BRINP3: variants seen among roughly 807,000 people sequenced by gnomAD.
The protein encoded by BRINP3 is BMP/retinoic acid inducible neural specific 3.
A neutral mutation model predicts 71.0 loss-of-function variants in BRINP3; 19 were observed. The ratio of observed to expected loss-of-function variants is 0.27; its 90% CI spans 0.19 to 0.39. The LOEUF is 0.39. Ranked by LOEUF, BRINP3 falls within the 10% of genes least tolerant of loss-of-function variation. BRINP3 has a pLI of 1.00. For synonymous variants in BRINP3, 380 were observed against 337.7 expected, an observed-to-expected ratio of 1.13 and a Z score of -1.37; for missense variants, 959 against 940.8, an observed-to-expected ratio of 1.02 and a Z score of -0.25.
chr1:190,236,085 T>A (rs939414675), intron 4 of BRINP3, among the ~76,000 whole-genome samples: 1 of 151,896 alleles, frequency 6.6e-6, no homozygotes, highest in African/African-American at 2.4e-5. Context: ...ATTAAGGCCA[T>A]CATGGAGATG....
intron 2 of BRINP3, among the ~76,000 whole-genome samples, chr1:190,289,788 TC>T (rs1465455598): frequency 6.6e-6 from 1 of 152,028 alleles, no homozygotes. Flanking sequence ...GGAACTGCCA[TC>T]TTTTCTGCTC....
intron 4 of BRINP3, among the ~76,000 whole-genome samples, chr1:190,234,999 T>A (rs1374189535): frequency 6.6e-6 from 1 of 152,112 alleles, no homozygotes; most frequent in Non-Finnish European, 1.5e-5. Context: ...AATATGCCAG[T>A]ATCTCCCTGT....
At chr1:190,201,730 G>A (rs538057619) in intron 6 of BRINP3, among the ~76,000 whole-genome samples, 6 of 151,848 alleles carry the variant, frequency 4.0e-5, no homozygotes, top group East Asian at 2.0e-4. Flanking sequence ...AATTCGGAAC[G>A]TGGCTTCAAA....
chr1:190,451,565 CT>C (rs1675609223), intron 2 of BRINP3, among the ~76,000 whole-genome samples: 1 of 151,984 alleles, frequency 6.6e-6, no homozygotes, highest in African/African-American at 2.4e-5. Flanking sequence ...ACTAAAAACA[CT>C]TTTAGAAATG....
chr1:190,233,594 C>T (rs1259669455), intron 5 of BRINP3, among the ~76,000 whole-genome samples: 1 of 151,942 alleles, frequency 6.6e-6, no homozygotes, highest in Non-Finnish European at 1.5e-5. Context: ...CTAAGTTATG[C>T]AATTCAAAAA....
chr1:190,203,677 A>G (rs1343001311), intron 6 of BRINP3, among the ~76,000 whole-genome samples: 2 of 145,820 alleles, frequency 1.4e-5, no homozygotes, highest in African/African-American at 2.5e-5. Flanking sequence ...AGATTTCCCT[A>G]ATAGTAAATA....
chr1:190,272,437 A>G (rs1167355370), intron 3 of BRINP3, among the ~76,000 whole-genome samples: 1 of 151,440 alleles, frequency 6.6e-6, no homozygotes, highest in East Asian at 1.9e-4. Context: ...TAGCATTCCC[A>G]TCTCTAAAAC....
At chr1:190,180,019 C>T (rs1478680381) in intron 6 of BRINP3, among the ~76,000 whole-genome samples, 1 of 152,140 alleles carries the variant, frequency 6.6e-6, no homozygotes, top group East Asian at 1.9e-4. Context: ...TGTCAGCCCT[C>T]CTTTTCCCTA....
intron 7 of BRINP3, among the ~76,000 whole-genome samples, chr1:190,133,478 G>A (rs932205131): frequency 6.6e-6 from 1 of 151,974 alleles, no homozygotes; most frequent in African/African-American, 2.4e-5. Context: ...AGTATAGAGT[G>A]GGAGGTGTTA....
intron 2 of BRINP3, among the ~76,000 whole-genome samples, chr1:190,401,079 C>G (rs1671886481): frequency 6.6e-6 from 1 of 152,072 alleles, no homozygotes; most frequent in Non-Finnish European, 1.5e-5. Context: ...TGGTGTAGCA[C>G]AGAGAAGTGG....
At chr1:190,114,422 T>C (rs974608816) in intron 7 of BRINP3, among the ~76,000 whole-genome samples, 1 of 152,016 alleles carries the variant, frequency 6.6e-6, no homozygotes, top group African/African-American at 2.4e-5. Context: ...ATAAATTAGA[T>C]TATAGTAACT....
chr1:190,186,431 C>A (rs1558045424), intron 6 of BRINP3, among the ~76,000 whole-genome samples: 4 of 151,896 alleles, frequency 2.6e-5, no homozygotes. Flanking sequence ...TATAAAACAC[C>A]TTTTTTTGCC....
At chr1:190,245,932 C>T (rs1470909098) in intron 4 of BRINP3, among the ~76,000 whole-genome samples, 2 of 151,862 alleles carry the variant, frequency 1.3e-5, no homozygotes, top group African/African-American at 4.8e-5. Context: ...AGGACATGAA[C>T]TCATCATTTT....
intron 6 of BRINP3, among the ~76,000 whole-genome samples, chr1:190,212,390 T>G (rs1324211470): frequency 1.3e-5 from 2 of 152,108 alleles, no homozygotes; most frequent in Admixed American, 1.3e-4. Context: ...GAAAAAATGA[T>G]ACATACCCTG....
At chr1:190,354,470 C>T (rs901572845) in intron 2 of BRINP3, among the ~76,000 whole-genome samples, 6 of 151,770 alleles carry the variant, frequency 4.0e-5, no homozygotes, top group Admixed American at 2.6e-4. Flanking sequence ...GAGGGCTCGT[C>T]ACTTAAAAGG....
intron 7 of BRINP3, among the ~76,000 whole-genome samples, chr1:190,101,015 T>C (rs1651656108): frequency 6.6e-6 from 1 of 152,160 alleles, no homozygotes; most frequent in Non-Finnish European, 1.5e-5. Context: ...CTTTTTGCTC[T>C]CTGTCTTGCC....
intron 7 of BRINP3, among the ~76,000 whole-genome samples, chr1:190,113,932 C>T (rs1342950947): frequency 6.6e-6 from 1 of 152,124 alleles, no homozygotes; most frequent in Admixed American, 6.5e-5. Flanking sequence ...CCAGCTTCAA[C>T]AGTCTACATT....
intron 4 of BRINP3, among the ~76,000 whole-genome samples, chr1:190,250,360 A>C (rs1038450752): frequency 6.6e-6 from 1 of 151,974 alleles, no homozygotes; most frequent in African/African-American, 2.4e-5. Context: ...TAATATATTA[A>C]ATGTTTAGAA....
At chr1:190,363,549 G>A (rs1403919929) in intron 2 of BRINP3, among the ~76,000 whole-genome samples, 1 of 152,108 alleles carries the variant, frequency 6.6e-6, no homozygotes, top group Non-Finnish European at 1.5e-5. Flanking sequence ...ATTTTTATGT[G>A]AGGGATGGGA....
Sources: allele counts gnomAD v4.1 joint callset (sites outside exome capture counted in the v4.1 genomes callset), GRCh38; gene constraint gnomAD v4.1.1; transcripts MANE v1.5; gene names NCBI Gene and HGNC (gene_info 2026-07-23, HGNC 2026-07-21).